The following GUCY2D variants were observed in gnomAD, a reference collection of about 807,000 sequenced individuals.
GUCY2D encodes retinal guanylyl cyclase 1.
Under a neutral mutation model 101.3 loss-of-function variants are expected in GUCY2D, and 70 were observed. The observed-to-expected ratio is 0.69, with a 90% CI of 0.57 to 0.84. GUCY2D has a LOEUF of 0.84. Ranked by LOEUF, GUCY2D falls within the 40% of genes least tolerant of loss-of-function variation. The pLI is 0.00. For synonymous variants in GUCY2D, 688 were observed against 670.7 expected (o/e 1.03, Z -0.40); for missense variants, 1,460 against 1,542.5 (o/e 0.95, Z 0.90).
At position 8,013,789 on chromosome 17, in the gene GUCY2D, C is replaced by T; in HGVS notation, c.2264-91C>T. On this transcript the variant is annotated intron_variant, in intron 11 of 19. Coordinates refer to ENST00000254854, the MANE Select transcript of GUCY2D (RefSeq NM_000180.4). The surrounding 1 kb of genome is among the most constrained non-coding windows in gnomAD (Gnocchi z 5.0). Reference sequence around the variant, plus strand: ...AGAAACCCCTGCCAGGCACCCCCTCCCACATCTTGGTCTTCAACAGTCAGG... The same window carrying T: ...AGAAACCCCTGCCAGGCACCCCCTCTCACATCTTGGTCTTCAACAGTCAGG... 1 of 1,050,898 alleles carries T rather than the reference C, an allele frequency of 9.5e-7. No individual in the cohort carries two copies. The allele number at this position is 1,050,898 out of a possible 1,614,324, so 65.1% of individuals were successfully genotyped here.
At position 8,015,804 on chromosome 17, in the gene GUCY2D, G is replaced by T; in HGVS notation, c.3006G>T (p.Thr1002=). 1 of 1,612,778 alleles carries T rather than the reference G, an allele frequency of 6.2e-7. No homozygotes were observed. The highest frequency in any genetic ancestry group is 8.5e-7 in the Non-Finnish European group (1 of 1,179,614). The change falls in exon 16 of 20, where the codon ACG becomes ACT. Residue 1002 remains threonine, a synonymous_variant. Transcript: ENST00000254854. ...TMPRYCLFGD[T]VNTASRMEST... ...CGCGGTACTGCCTGTTTGGGGACAC[G>T]GTCAACACCGCCTCGCGCATGGAGT...
At position 8,006,452 on chromosome 17, in the gene GUCY2D, G is replaced by C. The variant is rs770255396; in HGVS notation, c.1116G>C (p.Trp372Cys). 1 of 1,605,142 alleles carries C rather than the reference G, an allele frequency of 6.2e-7. No individual in the cohort carries two copies. The highest frequency in any genetic ancestry group is 8.5e-7 in the Non-Finnish European group (1 of 1,179,976). ...CGCGGGCTGCCGCAGGTGGCAGATGGGTGTCCGGAGCAGCTGTGGCCCGCC... is the reference window on the plus strand; with the variant it reads ...CGCGGGCTGCCGCAGGTGGCAGATGCGTGTCCGGAGCAGCTGTGGCCCGCC... Reference protein sequence around the residue: ...AEARAAAGGRWVSGAAVARHI... With the variant: ...AEARAAAGGRCVSGAAVARHI... The change falls in exon 4 of 20, where the codon TGG (tryptophan) becomes TGC (cysteine). Residue 372 changes from tryptophan (W) to cysteine (C), a missense_variant. By Grantham distance (215) the Trp-to-Cys change is radical (BLOSUM62 -2). Around this residue, in one of 3 missense-constraint regions of GUCY2D, gnomAD observed 1,196 missense variants for 1,229.6 expected, o/e 0.97. Transcript: ENST00000254854.
Position 8,014,187 on chromosome 17 carries a change from A to G in GUCY2D, c.2412+159A>G. The stretch of plus-strand genomic sequence containing the variant: ...TGAAGACTCGGAGTTTGGGGGCAGA[A>G]TTGGAATGGGGGCTGTGGAGGCTTT... On this transcript the variant is annotated intron_variant, in intron 12 of 19. Coordinates refer to ENST00000254854, the MANE Select transcript of GUCY2D (RefSeq NM_000180.4). The surrounding 1 kb of genome is among the most constrained non-coding windows in gnomAD (Gnocchi z 4.0). 1 of 717,176 alleles carries G rather than the reference A, an allele frequency of 1.4e-6. No homozygotes were observed. Among genetic ancestry groups the G allele is most frequent in the Non-Finnish European group, 2.5e-6 (1 of 402,988 alleles). 44.4% of individuals were successfully genotyped at this position (717,176 alleles called of 1,614,324 possible). A position where few individuals can be genotyped will look rare whatever the true frequency, so the allele number is the denominator to read the frequency against.
intron 8 of GUCY2D, among the ~76,000 whole-genome samples, chr17:8,010,677 G>A (rs890463437): frequency 2.6e-5 from 4 of 151,746 alleles, no homozygotes; most frequent in Admixed American, 6.6e-5. Flanking sequence ...GTGTGGTGGC[G>A]GGCGCCTGTA....
rs79887212 is a variant in GUCY2D, at chr17:8,016,436, C to G, written c.3225-7C>G. ...CCTTCCCTGAGGCCACCGCCCCCTC[C>G]TTGCAGGTCCAGCAACCACGGCATC... On this transcript the variant is annotated splice_polypyrimidine_tract_variant and splice_region_variant and intron_variant, in intron 18 of 19. Transcript: ENST00000254854. The G allele has an allele frequency of 6.4e-7, 1 of 1,556,106 alleles. No homozygotes were observed. Among genetic ancestry groups the G allele is most frequent in the Non-Finnish European group, 8.7e-7 (1 of 1,150,092 alleles).
intron 3 of GUCY2D, among the ~76,000 whole-genome samples, chr17:8,005,022 TAG>T (rs1301225638): frequency 6.6e-6 from 1 of 151,958 alleles, no homozygotes; most frequent in Non-Finnish European, 1.5e-5. Context: ...GTTGAGAAAG[TAG>T]AGAGAGAAAA....
At chr17:8,006,912 C>T (rs1422867266) in intron 4 of GUCY2D, 148 bp from the exon 5 acceptor site, 1 of 812,322 alleles carries the variant, frequency 1.2e-6, no homozygotes, top group Admixed American at 2.0e-5. Context: ...CCCAGCCTCT[C>T]CCCTTTGAGG....
rs117853745 is a variant in GUCY2D, at chr17:8,006,708, G to A, written c.1372G>A (p.Gly458Ser). 3 of 1,604,638 alleles carry A rather than the reference G, an allele frequency of 1.9e-6. No individual in the cohort carries two copies. Among genetic ancestry groups the A allele is most frequent in the East Asian group, 4.5e-5 (2 of 44,444 alleles). Reference protein sequence around the residue: ...SCWFDPNNICGGGLEPGLVFL... With the variant: ...SCWFDPNNICSGGLEPGLVFL... ...CTGGTTCGATCCAAACAACATCTGCGGTGGAGGTGAGGGCGAGCACCCCAG... is the reference window on the plus strand; with the variant it reads ...CTGGTTCGATCCAAACAACATCTGCAGTGGAGGTGAGGGCGAGCACCCCAG... The change falls in exon 4 of 20, where the codon GGT becomes AGT. Residue 458 changes from glycine (G) to serine (S), a missense_variant. Transcript: ENST00000254854.
Position 8,012,670 on chromosome 17 carries a change from C to T in GUCY2D, c.2113+64C>T, listed in dbSNP as rs976199980. ...CCCATTATTTCAAGGGCTTCTCCCCCGCTTCCTCCCTACCTCTGCCCTCGC... is the reference window on the plus strand; with the variant it reads ...CCCATTATTTCAAGGGCTTCTCCCCTGCTTCCTCCCTACCTCTGCCCTCGC... On this transcript the variant is annotated intron_variant, in intron 10 of 19. Transcript: ENST00000254854. 2.5e-5 allele frequency: 32 copies of T among 1,285,816 alleles called. 1 individual carries two copies. Among genetic ancestry groups the T allele is most frequent in the South Asian group, 1.3e-4 (11 of 84,350 alleles). 79.7% of individuals were successfully genotyped at this position (1,285,816 alleles called of 1,614,324 possible). A position where few individuals can be genotyped will look rare whatever the true frequency, so the allele number is the denominator to read the frequency against.
rs1975690593 is a variant in GUCY2D, at chr17:8,003,975, A to G, written c.845A>G (p.His282Arg). The G allele has an allele frequency of 1.9e-6, 3 of 1,613,712 alleles. No homozygotes were observed. Among genetic ancestry groups the G allele is most frequent in the South Asian group, 2.2e-5 (2 of 91,088 alleles). The part of the protein sequence containing the change: ...SLVFLPFDTI[H>R]YALSPGPEAL... The stretch of plus-strand genomic sequence containing the variant: ...GTCTTCCTGCCCTTCGACACGATCC[A>G]CTACGCCTTGTCCCCAGGCCCGGAG... Residue 282 changes from histidine (H) to arginine (R), a missense_variant, in exon 3 of 20, where the codon CAC becomes CGC. His to Arg is a conservative substitution (Grantham distance 29, BLOSUM62 0). Around this residue, in one of 3 missense-constraint regions of GUCY2D, gnomAD observed 1,196 missense variants for 1,229.6 expected, o/e 0.97. Coordinates refer to ENST00000254854, the MANE Select transcript of GUCY2D (RefSeq NM_000180.4).
chr17:8,017,227 G>A (rs536792434), intron 19 of GUCY2D, among the ~76,000 whole-genome samples: 11 of 152,148 alleles, frequency 7.2e-5, no homozygotes, highest in Non-Finnish European at 1.5e-4. Flanking sequence ...AATGGGGGGT[G>A]GCCTAAGTGG....
intron 10 of GUCY2D, among the ~76,000 whole-genome samples, chr17:8,012,845 A>T (rs1975883504): frequency 6.6e-6 from 1 of 152,216 alleles, no homozygotes; most frequent in South Asian, 2.1e-4. Context: ...TGCTCTGATT[A>T]CAAGTTTGCC....
rs747148534 is a variant in GUCY2D at position 8,004,163 on chromosome 17, G to C, written c.1026+7G>C. 2 of 1,582,008 alleles carry C rather than the reference G, an allele frequency of 1.3e-6. No homozygotes were observed. The highest frequency in any genetic ancestry group is 1.7e-6 in the Non-Finnish European group (2 of 1,168,394). On this transcript the variant is annotated splice_region_variant and intron_variant, in intron 3 of 19. Coordinates refer to ENST00000254854, the MANE Select transcript of GUCY2D (RefSeq NM_000180.4). ...TGACCTCAATCTGCAGCAGGTAGACGGTCCCGGGAGGAGGGAAGAAGGCAA... is the reference window on the plus strand; with the variant it reads ...TGACCTCAATCTGCAGCAGGTAGACCGTCCCGGGAGGAGGGAAGAAGGCAA...
At chr17:8,007,226 C>G (rs1975762596) in intron 5 of GUCY2D, 82 bp downstream of exon 5, 6 of 1,130,404 alleles carry the variant, frequency 5.3e-6, no homozygotes, top group Non-Finnish European at 8.1e-6. Flanking sequence ...GCTGGGTTCA[C>G]TCAGGAGTAG....
In GUCY2D at chr17:8,013,630, A is replaced by G. The variant is rs1308294472; in HGVS notation, c.2264-250A>G. On this transcript the variant is annotated intron_variant, in intron 11 of 19. Coordinates refer to ENST00000254854, the MANE Select transcript of GUCY2D (RefSeq NM_000180.4). The surrounding 1 kb of genome is among the most constrained non-coding windows in gnomAD (Gnocchi z 5.0). ...ATCACCTATCCCTCACTTGTCTTAC[A>G]TACAATATGTTAGTTTCTTTGCCTA... 3.4e-6 allele frequency: 2 copies of G among 590,118 alleles called. No individual in the cohort carries two copies. Among genetic ancestry groups the G allele is most frequent in the African/African-American group, 3.7e-5 (2 of 53,628 alleles). The allele number at this position is 590,118 out of a possible 1,614,324, so 36.6% of individuals were successfully genotyped here.
rs531556241 is a variant in GUCY2D at position 8,013,410 on chromosome 17, C to T, written c.2263+158C>T. ...CATCTGCAGGTCTGGGTGCAGAAAGCCGTGCATGGCCAGGGTGGGGAGCGT... is the reference window on the plus strand; with the variant it reads ...CATCTGCAGGTCTGGGTGCAGAAAGTCGTGCATGGCCAGGGTGGGGAGCGT... On this transcript the variant is annotated intron_variant, in intron 11 of 19. Transcript: ENST00000254854. This position sits in a 1 kb window ranked among gnomAD's most constrained non-coding sequence, Gnocchi z 5.0. 1 of 750,582 alleles carries T rather than the reference C, an allele frequency of 1.3e-6. No homozygotes were observed. Among genetic ancestry groups the T allele is most frequent in the Non-Finnish European group, 2.3e-6 (1 of 436,144 alleles). 46.5% of individuals were successfully genotyped at this position (750,582 alleles called of 1,614,324 possible). A position where few individuals can be genotyped will look rare whatever the true frequency, so the allele number is the denominator to read the frequency against.
rs1598149940 is a variant in GUCY2D at position 8,013,809 on chromosome 17, G to A, written c.2264-71G>A. The A allele has an allele frequency of 1.4e-6, 2 of 1,381,004 alleles. No homozygotes were observed. Among genetic ancestry groups the A allele is most frequent in the East Asian group, 2.3e-5 (1 of 43,764 alleles). The allele number at this position is 1,381,004 out of a possible 1,614,324, so 85.5% of individuals were successfully genotyped here. On this transcript the variant is annotated intron_variant, in intron 11 of 19. Coordinates refer to ENST00000254854, the MANE Select transcript of GUCY2D (RefSeq NM_000180.4). The surrounding 1 kb of genome is among the most constrained non-coding windows in gnomAD (Gnocchi z 5.0). The stretch of plus-strand genomic sequence containing the variant: ...CCCTCCCACATCTTGGTCTTCAACA[G>A]TCAGGCCAGGGTCAGAGGCAGCCTT...
At chr17:8,004,613 G>A (rs1159001298) in intron 3 of GUCY2D, among the ~76,000 whole-genome samples, 3 of 152,120 alleles carry the variant, frequency 2.0e-5, no homozygotes, top group Non-Finnish European at 4.4e-5. Context: ...GAAGCAGAAA[G>A]TTCCCTGGGT....
chr17:8,015,926 G>C lies in GUCY2D; in HGVS notation c.3044-1G>C, dbSNP rs763945017. 2.5e-6 allele frequency: 4 copies of C among 1,610,574 alleles called. No individual in the cohort carries two copies. Among genetic ancestry groups the C allele is most frequent in the Non-Finnish European group, 2.5e-6 (3 of 1,178,650 alleles). On this transcript the variant is annotated splice_acceptor_variant, in intron 16 of 19. Transcript: ENST00000254854. LOFTEE classifies it high-confidence loss of function. The stretch of plus-strand genomic sequence containing the variant: ...GCTCACGGCGTCCCCCACCGCCACA[G>C]CTTACCGCATCCACGTGAACTTGAG...
Sources: allele counts gnomAD v4.1 joint callset (sites outside exome capture counted in the v4.1 genomes callset), GRCh38; gene constraint gnomAD v4.1.1; regional missense constraint gnomAD v4.1.1; non-coding constraint Gnocchi (gnomAD v3.1); transcripts MANE v1.5; gene names NCBI Gene and HGNC (gene_info 2026-07-23, HGNC 2026-07-21).